The following ALK variants were observed in gnomAD, a reference collection of about 807,000 sequenced individuals.
ALK encodes ALK receptor tyrosine kinase.
Under a neutral mutation model 163.1 loss-of-function variants are expected in ALK, and 74 were observed. The ratio of observed to expected loss-of-function variants is 0.45; its 90% CI spans 0.38 to 0.55. The LOEUF (loss-of-function observed/expected upper bound fraction) is 0.55, where lower values mean the gene tolerates loss of function less well. ALK is among the 20% of genes least tolerant of loss of function. The probability of loss-of-function intolerance (pLI) is 0.00; values close to 1 mark genes in which losing one functional copy is unlikely to be tolerated. For synonymous variants in ALK, 960 were observed against 843.2 expected, an observed-to-expected ratio of 1.14 and a Z score of -2.40; for missense variants, 2,063 against 2,105.3, an observed-to-expected ratio of 0.98 and a Z score of 0.39.
chr2:29,882,222 G>T (rs1019661940), intron 1 of ALK, among the ~76,000 whole-genome samples: 2 of 152,216 alleles, frequency 1.3e-5, no homozygotes, highest in Non-Finnish European at 2.9e-5. Context: ...GAACTCGACT[G>T]TCAGACCGGA....
At chr2:29,755,160 C>T (rs889172521) in intron 1 of ALK, among the ~76,000 whole-genome samples, 1 of 152,188 alleles carries the variant, frequency 6.6e-6, no homozygotes, top group Admixed American at 6.5e-5. Context: ...TACAATAAGG[C>T]GATTTCACGC....
At chr2:29,468,124 G>A (rs1312011897) in intron 4 of ALK, among the ~76,000 whole-genome samples, 1 of 152,024 alleles carries the variant, frequency 6.6e-6, no homozygotes, top group Non-Finnish European at 1.5e-5. Flanking sequence ...CGCCTACCGG[G>A]TTCAAGTGAT....
chr2:29,822,774 C>T (rs1443013471), intron 1 of ALK, among the ~76,000 whole-genome samples: 1 of 152,188 alleles, frequency 6.6e-6, no homozygotes, highest in Non-Finnish European at 1.5e-5. Flanking sequence ...TAGTCCTTGC[C>T]CATTAGCTGA....
chr2:29,198,747 A>G (rs1451333132), intron 26 of ALK, among the ~76,000 whole-genome samples: 1 of 152,178 alleles, frequency 6.6e-6, no homozygotes, highest in Non-Finnish European at 1.5e-5. Flanking sequence ...AATATTTTAA[A>G]TTATGTTTAT....
chr2:29,469,929 AT>A (rs1671305840), intron 4 of ALK, among the ~76,000 whole-genome samples: 1 of 152,240 alleles, frequency 6.6e-6, no homozygotes, highest in Non-Finnish European at 1.5e-5. Flanking sequence ...ATGGAAAAAA[AT>A]AAAAACAGAC....
intron 1 of ALK, among the ~76,000 whole-genome samples, chr2:29,891,897 T>C (rs1270757644): frequency 6.6e-6 from 1 of 152,172 alleles, no homozygotes; most frequent in Admixed American, 6.5e-5. Context: ...AAGAGAAAGA[T>C]TCAGCAAAAG....
At chr2:29,711,131 C>T (rs1573574994) in intron 2 of ALK, among the ~76,000 whole-genome samples, 1 of 152,166 alleles carries the variant, frequency 6.6e-6, no homozygotes, top group Non-Finnish European at 1.5e-5. Flanking sequence ...CTCCTCCTTC[C>T]CTTTCTTTTC....
chr2:29,628,342 A>G (rs1332125081), intron 3 of ALK, among the ~76,000 whole-genome samples: 1 of 152,236 alleles, frequency 6.6e-6, no homozygotes, highest in Non-Finnish European at 1.5e-5. Context: ...TTCAGGATGA[A>G]TCACATGTGC....
chr2:29,273,631 A>T (rs1665452738), intron 11 of ALK, among the ~76,000 whole-genome samples: 1 of 152,066 alleles, frequency 6.6e-6, no homozygotes, highest in Non-Finnish European at 1.5e-5. Flanking sequence ...AAGCTCAGGC[A>T]TCCAGCCACC....
At chr2:29,777,465 C>T (rs1681207608) in intron 1 of ALK, among the ~76,000 whole-genome samples, 4 of 152,088 alleles carry the variant, frequency 2.6e-5, no homozygotes, top group Admixed American at 2.6e-4. Context: ...TCCCCTCTTG[C>T]CATCCATCTA....
intron 1 of ALK, among the ~76,000 whole-genome samples, chr2:29,723,015 T>A (rs972919623): frequency 6.6e-6 from 1 of 152,126 alleles, no homozygotes; most frequent in Non-Finnish European, 1.5e-5. Flanking sequence ...CCATCTCGCA[T>A]CTCTCCATTA....
In ALK at chr2:29,905,403, T is replaced by C. The variant is rs75941964; in HGVS notation, c.667+14590A>G. On this transcript the variant is annotated intron_variant, in intron 1 of 28. Coordinates refer to ENST00000389048, the MANE Select transcript of ALK (RefSeq NM_004304.5). Reference sequence around the variant, plus strand: ...GTCATTTTAAGCTATTTGACATTTATTGTTCTGAAGAGAAGAAAGGTCAGA... The same window carrying C: ...GTCATTTTAAGCTATTTGACATTTACTGTTCTGAAGAGAAGAAAGGTCAGA... Among the ~76,000 whole-genome samples, 296 of 152,334 alleles carry C rather than the reference T, an allele frequency of 1.9e-3. 1 individual carries two copies. Among genetic ancestry groups the C allele is most frequent in the African/African-American group, 6.8e-3 (284 of 41,574 alleles).
chr2:29,909,053 A>T (rs1667627669), intron 1 of ALK, among the ~76,000 whole-genome samples: 1 of 152,130 alleles, frequency 6.6e-6, no homozygotes, highest in Non-Finnish European at 1.5e-5. Context: ...TTTGGTGCGC[A>T]CCTCCCATGG....
intron 4 of ALK, among the ~76,000 whole-genome samples, chr2:29,442,519 A>G (rs2148082878): frequency 6.6e-6 from 1 of 152,230 alleles, no homozygotes; most frequent in East Asian, 1.9e-4. Flanking sequence ...TGCCACAATG[A>G]CCTGGCGATC....
intron 4 of ALK, among the ~76,000 whole-genome samples, chr2:29,495,942 G>GGA (rs1672011729): frequency 1.3e-5 from 2 of 152,170 alleles, no homozygotes; most frequent in African/African-American, 4.8e-5. Flanking sequence ...TTCAGTTTCA[G>GGA]TTAAGAGAAT....
intron 3 of ALK, among the ~76,000 whole-genome samples, chr2:29,541,912 T>C (rs892690977): frequency 1.3e-5 from 2 of 152,216 alleles, no homozygotes; most frequent in African/African-American, 4.8e-5. Context: ...AAGACCACCA[T>C]TGCTAGCCAA....
chr2:29,472,955 A>T (rs1054152044), intron 4 of ALK, among the ~76,000 whole-genome samples: 14 of 152,358 alleles, frequency 9.2e-5, no homozygotes, highest in African/African-American at 2.9e-4. Flanking sequence ...GATTAAACTT[A>T]ATCCCAATCA....
intron 1 of ALK, among the ~76,000 whole-genome samples, chr2:29,768,551 T>C (rs1241455560): frequency 2.0e-5 from 3 of 152,164 alleles, no homozygotes; most frequent in African/African-American, 7.2e-5. Flanking sequence ...TTCCATTATA[T>C]TGGTATATAA....
At chr2:29,732,436 C>T (rs1679771384) in intron 1 of ALK, among the ~76,000 whole-genome samples, 1 of 152,208 alleles carries the variant, frequency 6.6e-6, no homozygotes, top group African/African-American at 2.4e-5. Context: ...ATGGCTTCCT[C>T]ACTGCCCACA....
Sources: allele counts gnomAD v4.1 joint callset (sites outside exome capture counted in the v4.1 genomes callset), GRCh38; gene constraint gnomAD v4.1.1; transcripts MANE v1.5; gene names NCBI Gene and HGNC (gene_info 2026-07-23, HGNC 2026-07-21).